Variants in POTEH observed in about 807,000 individuals in gnomAD.
POTEH encodes POTE ankyrin domain family member H.
Under a neutral mutation model 41.7 loss-of-function variants are expected in POTEH, and 6 were observed. The ratio of observed to expected loss-of-function variants is 0.14; its 90% CI spans 0.08 to 0.28. The LOEUF is 0.28. Among genes scored for constraint, POTEH ranks in the 10% least tolerant of loss-of-function variants. POTEH has a pLI of 1.00. For synonymous variants in POTEH, 38 were observed against 179.9 expected (o/e 0.21, Z 6.31); for missense variants, 115 against 533.5 (o/e 0.22, Z 7.73).
intron 1 of POTEH, among the ~76,000 whole-genome samples, chr22:15,692,071 T>C (rs1255470802): frequency 7.3e-6 from 1 of 137,904 alleles, no homozygotes; most frequent in African/African-American, 2.6e-5. Context: ...AGTGGTGCGA[T>C]CTCAGCTCAC....
chr22:15,712,950 G>A (rs1211814354), intron 9 of POTEH, among the ~76,000 whole-genome samples: 1 of 149,938 alleles, frequency 6.7e-6, no homozygotes, highest in Non-Finnish European at 1.5e-5. Context: ...CCTTGGTCTG[G>A]CATTTAATGC....
At chr22:15,691,913 T>A (rs1172597750) in intron 1 of POTEH, among the ~76,000 whole-genome samples, 1 of 146,566 alleles carries the variant, frequency 6.8e-6, no homozygotes, top group Non-Finnish European at 1.5e-5. Context: ...GAGTATAGAT[T>A]AAAAATTTTA....
chr22:15,713,500 T>A, intron 9 of POTEH, among the ~76,000 whole-genome samples: 1 of 151,672 alleles, frequency 6.6e-6, no homozygotes, highest in East Asian at 1.9e-4. Context: ...TTCTTTCTCA[T>A]GACATTTTTT....
At chr22:15,706,570 TCA>T (rs1353721712) in intron 6 of POTEH, among the ~76,000 whole-genome samples, 83 of 148,834 alleles carry the variant, frequency 5.6e-4, no homozygotes, top group African/African-American at 1.9e-3. Context: ...ACATGAATTA[TCA>T]GTCACCTTGT....
chr22:15,713,741 C>T (rs1601503686), intron 9 of POTEH, among the ~76,000 whole-genome samples: 1 of 152,302 alleles, frequency 6.6e-6, no homozygotes, highest in African/African-American at 2.4e-5. Context: ...GTCAGGTGAT[C>T]TGCCCGCCTT....
chr22:15,692,137 T>C (rs1290241657), intron 1 of POTEH, among the ~76,000 whole-genome samples: 1 of 129,800 alleles, frequency 7.7e-6, no homozygotes, highest in Non-Finnish European at 1.8e-5. Flanking sequence ...ACTGAGTAGC[T>C]GGGATTACAG....
At position 15,690,155 on chromosome 22, in the gene POTEH, G is replaced by C. The variant is rs200145504; in HGVS notation, c.78G>C (p.Lys26Asn). The C allele has an allele frequency of 6.5e-6, 9 of 1,381,924 alleles. No individual in the cohort carries two copies. The East Asian group carries it at 2.1e-4, about 32-fold the overall frequency. 85.6% of individuals were successfully genotyped at this position (1,381,924 alleles called of 1,614,324 possible). The change falls in exon 1 of 11, where the codon AAG (lysine) becomes AAC (asparagine). Residue 26 changes from lysine to asparagine, a missense_variant. Lys to Asn is a moderately conservative substitution (Grantham distance 94). Transcript: ENST00000343518. ...KPFGLRSKMG[K>N]WCRHCFAWCR... Reference sequence around the variant, plus strand: ...TTGGTCTCAGAAGCAAGATGGGCAAGTGGTGCCGCCACTGCTTCGCCTGGT... The same window carrying C: ...TTGGTCTCAGAAGCAAGATGGGCAACTGGTGCCGCCACTGCTTCGCCTGGT...
chr22:15,692,215 C>A (rs1329643543), intron 1 of POTEH, among the ~76,000 whole-genome samples: 1 of 139,858 alleles, frequency 7.2e-6, no homozygotes, highest in Non-Finnish European at 1.6e-5. Context: ...CCATCTTGGC[C>A]AGGCTGGTCT....
At chr22:15,691,073 TCAA>T (rs1278980896) in intron 1 of POTEH, among the ~76,000 whole-genome samples, 3 of 144,068 alleles carry the variant, frequency 2.1e-5, no homozygotes, top group African/African-American at 7.5e-5. Flanking sequence ...CCATAACACA[TCAA>T]CTTCAGGGCT....
intron 1 of POTEH, among the ~76,000 whole-genome samples, chr22:15,691,992 A>ATATTTT (rs1194597304): frequency 7.9e-6 from 1 of 127,106 alleles, no homozygotes; most frequent in African/African-American, 2.8e-5. Flanking sequence ...ATACATATAT[A>ATATTTT]TATATATATA....
intron 10 of POTEH, among the ~76,000 whole-genome samples, chr22:15,720,741 CTG>C (rs1288758197): frequency 6.1e-5 from 1 of 16,520 alleles, no homozygotes; most frequent in Non-Finnish European, 1.1e-4. Flanking sequence ...ATTCTTATAA[CTG>C]AGTATAAAAA....
intron 1 of POTEH, among the ~76,000 whole-genome samples, chr22:15,691,049 C>T (rs1989295372): frequency 7.0e-6 from 1 of 143,466 alleles, no homozygotes; most frequent in African/African-American, 2.5e-5. Flanking sequence ...ATATTGAGAA[C>T]TAAGAATGAA....
At chr22:15,713,431 G>A (rs1202851347) in intron 9 of POTEH, among the ~76,000 whole-genome samples, 27 of 152,156 alleles carry the variant, frequency 1.8e-4, no homozygotes, top group African/African-American at 6.5e-4. Flanking sequence ...TGTTTTGCTT[G>A]CTCCTCCTCA....
chr22:15,711,241 T>G (rs1280440768), intron 9 of POTEH, among the ~76,000 whole-genome samples: 1 of 152,110 alleles, frequency 6.6e-6, no homozygotes, highest in Non-Finnish European at 1.5e-5. Context: ...AAAAGGCATT[T>G]TCTTTTCTTT....
chr22:15,691,957 C>T (rs1174264185), intron 1 of POTEH, among the ~76,000 whole-genome samples: 1 of 144,234 alleles, frequency 6.9e-6, no homozygotes, highest in African/African-American at 2.5e-5. Context: ...CAGAAGAAAA[C>T]ACAAGTGCCT....
chr22:15,705,339 T>G, intron 6 of POTEH, among the ~76,000 whole-genome samples: 1 of 69,478 alleles, frequency 1.4e-5, no homozygotes. Context: ...AATTACTCGT[T>G]TTAATATGTT....
At position 15,692,069 on chromosome 22, in the gene POTEH, G is replaced by A. The variant is rs1449659375; in HGVS notation, c.632+1360G>A. ...TGCCCAGGCTGGAGTGCAGTGGTGCGATCTCAGCTCACTGCAACCTCTGCC... is the reference window on the plus strand; with the variant it reads ...TGCCCAGGCTGGAGTGCAGTGGTGCAATCTCAGCTCACTGCAACCTCTGCC... On this transcript the variant is annotated intron_variant, in intron 1 of 10. Transcript: ENST00000343518. Among the ~76,000 whole-genome samples, 17 of 137,174 alleles carry A rather than the reference G, an allele frequency of 1.2e-4. 3 individuals carry two copies. Among genetic ancestry groups the A allele is most frequent in the Admixed American group, 9.9e-4 (13 of 13,136 alleles). The allele number at this position is 137,174 out of a possible 152,430, so 90.0% of individuals were successfully genotyped here.
chr22:15,713,645 G>A (rs1601503642), intron 9 of POTEH, among the ~76,000 whole-genome samples: 1 of 152,248 alleles, frequency 6.6e-6, no homozygotes, highest in South Asian at 2.1e-4. Context: ...GATTACAGGT[G>A]TGTGACACCA....
rs1383116294 is a variant in POTEH, at chr22:15,690,132, G to T, written c.55G>T (p.Gly19Cys). ...TGCCTCCTCTGTGAAGAAGCCATTT[G>T]GTCTCAGAAGCAAGATGGGCAAGTG... ...PAASSVKKPFGLRSKMGKWCR... is the reference protein window; with the variant it reads ...PAASSVKKPFCLRSKMGKWCR... The change falls in exon 1 of 11, where the codon GGT becomes TGT. Residue 19 changes from glycine to cysteine, a missense_variant. Coordinates refer to ENST00000343518, the MANE Select transcript of POTEH (RefSeq NM_001136213.1). 2.1e-6 allele frequency: 3 copies of T among 1,407,274 alleles called. No individual in the cohort carries two copies. The highest frequency in any genetic ancestry group is 2.0e-5 in the Admixed American group (1 of 50,968). The allele number at this position is 1,407,274 out of a possible 1,614,324, so 87.2% of individuals were successfully genotyped here. A position where few individuals can be genotyped will look rare whatever the true frequency, so the allele number is the denominator to read the frequency against.
Sources: gnomAD v4.1 joint callset for allele counts (sites outside exome capture counted in the v4.1 genomes callset) on GRCh38, gnomAD v4.1.1 for gene constraint, MANE v1.5 for transcripts, NCBI Gene and HGNC (gene_info 2026-07-23, HGNC 2026-07-21) for gene names.